The following GRM7 variants were observed in gnomAD, a reference collection of about 807,000 sequenced individuals.
GRM7 encodes glutamate metabotropic receptor 7, also known as metabotropic glutamate receptor 7.
A neutral mutation model predicts 84.5 loss-of-function variants in GRM7; 35 were observed. That is an observed-to-expected ratio of 0.41 (90% CI 0.32 to 0.55). GRM7 has a LOEUF of 0.55. GRM7 is among the 20% of genes least tolerant of loss of function. The pLI is 0.19. For missense variants in GRM7, 1,003 were observed against 1,194.6 expected (o/e 0.84, Z 2.36); for synonymous variants, 487 against 455.1 (o/e 1.07, Z -0.89).
intron 8 of GRM7, among the ~76,000 whole-genome samples, chr3:7,589,295 A>G (rs1477471923): frequency 6.6e-6 from 1 of 152,240 alleles, no homozygotes; most frequent in African/African-American, 2.4e-5. Flanking sequence ...ACTGAGGAGT[A>G]AAGAACCACA....
At chr3:7,020,361 G>A (rs1359086657) in intron 1 of GRM7, among the ~76,000 whole-genome samples, 3 of 152,132 alleles carry the variant, frequency 2.0e-5, no homozygotes. Flanking sequence ...GGAGAGAGAG[G>A]GATGAATAGG....
chr3:6,961,277 G>T (rs1301842141), intron 1 of GRM7, among the ~76,000 whole-genome samples: 2 of 152,108 alleles, frequency 1.3e-5, no homozygotes, highest in African/African-American at 4.8e-5. Context: ...CAATTTGCAG[G>T]CCCCTTTCAG....
At chr3:7,096,466 G>C (rs573687581) in intron 1 of GRM7, among the ~76,000 whole-genome samples, 1 of 152,212 alleles carries the variant, frequency 6.6e-6, no homozygotes, top group East Asian at 1.9e-4. Context: ...TTTGCTTAGG[G>C]TGAAGTCTAA....
chr3:7,226,190 A>G (rs1271979071), intron 2 of GRM7, among the ~76,000 whole-genome samples: 1 of 152,174 alleles, frequency 6.6e-6, no homozygotes, highest in Non-Finnish European at 1.5e-5. Flanking sequence ...CACATTTAGC[A>G]ACTTAAAACA....
chr3:7,494,719 T>C (rs1699639350), intron 7 of GRM7, among the ~76,000 whole-genome samples: 1 of 152,220 alleles, frequency 6.6e-6, no homozygotes. Flanking sequence ...CTGTCATCTA[T>C]ACTCTTGAGC....
intron 4 of GRM7, among the ~76,000 whole-genome samples, chr3:7,309,485 C>T (rs1370201185): frequency 6.6e-6 from 1 of 152,082 alleles, no homozygotes; most frequent in Non-Finnish European, 1.5e-5. Context: ...TGATACTGCT[C>T]CATTCCTATA....
chr3:7,059,893 C>G (rs921968207), intron 1 of GRM7, among the ~76,000 whole-genome samples: 3 of 151,834 alleles, frequency 2.0e-5, no homozygotes, highest in South Asian at 2.1e-4. Context: ...GCCTCCAGAA[C>G]TATGAGAAAG....
At chr3:7,548,420 T>C (rs1693277281) in intron 7 of GRM7, among the ~76,000 whole-genome samples, 1 of 152,232 alleles carries the variant, frequency 6.6e-6, no homozygotes, top group African/African-American at 2.4e-5. Flanking sequence ...TGGTATAGCC[T>C]ACAGAATGAT....
chr3:7,308,006 A>G (rs1700253354), intron 4 of GRM7, among the ~76,000 whole-genome samples: 1 of 152,180 alleles, frequency 6.6e-6, no homozygotes, highest in African/African-American at 2.4e-5. Context: ...TGGGGAAGAT[A>G]TCGTTGGATG....
chr3:7,609,557 G>A (rs949719776), intron 8 of GRM7, among the ~76,000 whole-genome samples: 1 of 151,674 alleles, frequency 6.6e-6, no homozygotes, highest in Non-Finnish European at 1.5e-5. Flanking sequence ...AAAAAACAGA[G>A]CAGGCACAGG....
chr3:7,723,015 A>G (rs763348136), intron 9 of GRM7, among the ~76,000 whole-genome samples: 2 of 152,120 alleles, frequency 1.3e-5, no homozygotes, highest in Non-Finnish European at 2.9e-5. Context: ...ACATTCAGAA[A>G]AGTAGAAAGA....
intron 7 of GRM7, among the ~76,000 whole-genome samples, chr3:7,498,475 C>T (rs1295988027): frequency 6.6e-6 from 1 of 152,176 alleles, no homozygotes; most frequent in Non-Finnish European, 1.5e-5. Context: ...AAGCAAAATA[C>T]CTTAGTTTAG....
chr3:7,704,646 C>T (rs533045984), intron 9 of GRM7, among the ~76,000 whole-genome samples: 47 of 152,250 alleles, frequency 3.1e-4, no homozygotes, highest in African/African-American at 1.1e-3. Flanking sequence ...AGCCAGGATG[C>T]TACCAAAAGG....
chr3:7,236,429 G>A (rs1311265820), intron 2 of GRM7, among the ~76,000 whole-genome samples: 1 of 152,090 alleles, frequency 6.6e-6, no homozygotes. Context: ...ATTTTACATG[G>A]CTTCCTATAT....
intron 4 of GRM7, among the ~76,000 whole-genome samples, chr3:7,338,730 G>A (rs536002556): frequency 6.6e-6 from 1 of 152,092 alleles, no homozygotes; most frequent in East Asian, 1.9e-4. Flanking sequence ...CTCTTCATTT[G>A]CTGTCATGAT....
intron 1 of GRM7, among the ~76,000 whole-genome samples, chr3:7,029,387 C>T (rs958817040): frequency 4.6e-5 from 7 of 151,234 alleles, no homozygotes; most frequent in East Asian, 3.9e-4. Flanking sequence ...AAATAATTGG[C>T]GGCAGGGACT....
intron 8 of GRM7, among the ~76,000 whole-genome samples, chr3:7,653,802 T>C (rs1163412538): frequency 1.3e-5 from 2 of 152,194 alleles, no homozygotes; most frequent in African/African-American, 4.8e-5. Flanking sequence ...TACTGACTCC[T>C]TTGAGCGTCA....
At chr3:7,471,184 T>C (rs1353116571) in intron 7 of GRM7, among the ~76,000 whole-genome samples, 2 of 150,724 alleles carry the variant, frequency 1.3e-5, no homozygotes, top group Non-Finnish European at 2.9e-5. Context: ...TCATGTTTCT[T>C]GTATTAGTTT....
In GRM7 at chr3:7,097,487, G is replaced by C. The variant is rs138262547; in HGVS notation, c.520-48965G>C. Among the ~76,000 whole-genome samples the C allele has an allele frequency of 6.6e-5, 10 of 152,128 alleles. No homozygotes were observed. The East Asian group carries it at 1.7e-3, about 26-fold the overall frequency. On this transcript the variant is annotated intron_variant, in intron 1 of 9. Coordinates refer to ENST00000357716, the MANE Select transcript of GRM7 (RefSeq NM_000844.4). ...CCTGAAACATTTTATCCTGTGGGGT[G>C]GAATCTAAATGTGTCTACTCTATGA...
Sources: allele counts gnomAD v4.1 joint callset (sites outside exome capture counted in the v4.1 genomes callset), GRCh38; gene constraint gnomAD v4.1.1; transcripts MANE v1.5; gene names NCBI Gene and HGNC (gene_info 2026-07-23, HGNC 2026-07-21).